The following APOBEC1 variants were observed in gnomAD, a reference collection of about 807,000 sequenced individuals.
The protein encoded by APOBEC1 is apolipoprotein B mRNA editing enzyme catalytic subunit 1, also known as C->U-editing enzyme APOBEC-1.
APOBEC1 carries 22 observed loss-of-function variants against 26.3 expected under a neutral mutation model. That is an observed-to-expected ratio of 0.84 (90% CI 0.60 to 1.19). APOBEC1 has a LOEUF of 1.19. Ranked by LOEUF, APOBEC1 falls within the 50% of genes most tolerant of loss-of-function variation. The pLI is 0.00. For missense variants in APOBEC1, 253 were observed against 289.0 expected, an observed-to-expected ratio of 0.88 and a Z score of 0.90; for synonymous variants, 77 against 95.3, an observed-to-expected ratio of 0.81 and a Z score of 1.12.
upstream of APOBEC1, among the ~76,000 whole-genome samples, chr12:7,667,650 C>T (rs947885472): frequency 2.0e-4 from 30 of 152,092 alleles, no homozygotes; most frequent in African/African-American, 6.8e-4. Context: ...CGCAGTGGCT[C>T]GCGCCTGTAA....
chr12:7,665,882 T>C lies in APOBEC1; in HGVS notation c.-10A>G. Reference sequence around the variant, plus strand: ...CTTTCTCAGAAGTCATGGTGCTCTGTCTCTGGACTTCCTCCTCTGGAGTCA... The same window carrying C: ...CTTTCTCAGAAGTCATGGTGCTCTGCCTCTGGACTTCCTCCTCTGGAGTCA... On this transcript the variant is annotated 5_prime_UTR_variant, in exon 1 of 5. Transcript: ENST00000229304. 6.2e-7 allele frequency: 1 copy of C among 1,613,856 alleles called. No homozygotes were observed. Among genetic ancestry groups the C allele is most frequent in the Non-Finnish European group, 8.5e-7 (1 of 1,179,950 alleles).
chr12:7,668,904 G>A (rs945655264), upstream of APOBEC1, among the ~76,000 whole-genome samples: 5 of 152,012 alleles, frequency 3.3e-5, no homozygotes, highest in African/African-American at 1.2e-4. Flanking sequence ...GCTAATTTTT[G>A]TACTTTTAGT....
At chr12:7,651,310 G>C (rs1863634658) in intron 3 of APOBEC1, among the ~76,000 whole-genome samples, 169 bp from the exon 4 acceptor site, 1 of 151,570 alleles carries the variant, frequency 6.6e-6, no homozygotes, top group African/African-American at 2.4e-5. Context: ...TGGCTGAGAG[G>C]CAAGACTAGA....
chr12:7,649,806 TC>T, intron 4 of APOBEC1, 110 bp from the exon 5 acceptor site: 1 of 944,810 alleles, frequency 1.1e-6, no homozygotes, highest in Non-Finnish European at 1.5e-6. Context: ...AACTATTTCT[TC>T]TTTTTTTTTT....
rs1863748815 is a variant in APOBEC1, at chr12:7,658,508, T to G, written c.17-3876A>C. Among the ~76,000 whole-genome samples, 3 of 152,260 alleles carry G rather than the reference T, an allele frequency of 2.0e-5. No homozygotes were observed. The South Asian group carries it at 6.2e-4, about 32-fold the overall frequency. ...AGACTAAAGATTTTGATTTATGGCT[T>G]GATTACCCAACAGAGGTGTCACAGT... On this transcript the variant is annotated intron_variant, in intron 1 of 4. Transcript: ENST00000229304.
upstream of APOBEC1, among the ~76,000 whole-genome samples, chr12:7,666,416 C>A (rs1306454858): frequency 6.6e-6 from 1 of 151,968 alleles, no homozygotes; most frequent in East Asian, 1.9e-4. Context: ...GCCTCAGCCT[C>A]CCGAGTAGCT....
At position 7,652,750 on chromosome 12, in the gene APOBEC1, A is replaced by C; in HGVS notation, c.130T>G (p.Trp44Gly). 1 of 1,613,952 alleles carries C rather than the reference A, an allele frequency of 6.2e-7. No individual in the cohort carries two copies. Among genetic ancestry groups the C allele is most frequent in the Non-Finnish European group, 8.5e-7 (1 of 1,179,984 alleles). The change falls in exon 3 of 5, where the codon TGG becomes GGG. Residue 44 changes from tryptophan (W) to glycine (G), a missense_variant. Trp to Gly is a radical substitution (Grantham distance 184). Coordinates refer to ENST00000229304, the MANE Select transcript of APOBEC1 (RefSeq NM_001644.5). ...KEACLLYEIK[W>G]GMSRKIWRSS... ...CGCCAGATCTTCCGGCTCATGCCCC[A>C]CTTGATTTCGTAGAGCAGACAGGCC...
At chr12:7,665,243 T>G (rs1863877266) in intron 1 of APOBEC1, among the ~76,000 whole-genome samples, 1 of 152,202 alleles carries the variant, frequency 6.6e-6, no homozygotes, top group Non-Finnish European at 1.5e-5. Flanking sequence ...GTTCTCATGC[T>G]ATCACGTCTG....
chr12:7,649,763 A>G (rs1168456597), intron 4 of APOBEC1, 67 bp from the exon 5 acceptor site: 1 of 1,161,752 alleles, frequency 8.6e-7, no homozygotes, highest in Non-Finnish European at 1.2e-6. Context: ...TTATCACCAC[A>G]AACATTTAAA....
chr12:7,663,855 G>T (rs925369220), intron 1 of APOBEC1, among the ~76,000 whole-genome samples: 1 of 147,488 alleles, frequency 6.8e-6, no homozygotes, highest in South Asian at 2.2e-4. Context: ...ACTTAAAAAA[G>T]AATTTTTTTT....
chr12:7,662,301 G>T (rs774649353), intron 1 of APOBEC1, among the ~76,000 whole-genome samples: 23 of 151,932 alleles, frequency 1.5e-4, no homozygotes, highest in Middle Eastern at 3.4e-3. Flanking sequence ...AAAAAAGACG[G>T]CCGGGTACGG....
At chr12:7,660,934 C>G (rs1426096291) in intron 1 of APOBEC1, among the ~76,000 whole-genome samples, 1 of 151,302 alleles carries the variant, frequency 6.6e-6, no homozygotes. Context: ...TGGCTCACAC[C>G]TCTAATCCCA....
chr12:7,650,896 G>C, intron 4 of APOBEC1, 127 bp downstream of exon 4: 1 of 718,968 alleles, frequency 1.4e-6, no homozygotes, highest in Admixed American at 2.2e-5. Flanking sequence ...AGAGGAGCTA[G>C]CTAGTTAAAT....
At chr12:7,650,780 T>C (rs778132462) in intron 4 of APOBEC1, among the ~76,000 whole-genome samples, 5 of 152,182 alleles carry the variant, frequency 3.3e-5, no homozygotes, top group Non-Finnish European at 7.3e-5. Flanking sequence ...CTGGAGCATA[T>C]TGGCGTGATC....
chr12:7,663,583 T>A (rs909422335), intron 1 of APOBEC1, among the ~76,000 whole-genome samples: 3 of 151,954 alleles, frequency 2.0e-5, no homozygotes, highest in Non-Finnish European at 4.4e-5. Flanking sequence ...AGAGGCCACA[T>A]CATAGGAAAA....
upstream of APOBEC1, among the ~76,000 whole-genome samples, chr12:7,666,584 C>G (rs952321834): frequency 6.6e-6 from 1 of 151,994 alleles, no homozygotes; most frequent in African/African-American, 2.4e-5. Flanking sequence ...CATGAGCCAC[C>G]GTGCCTAGCC....
intron 1 of APOBEC1, among the ~76,000 whole-genome samples, chr12:7,660,410 A>AAGAAAGAAAGAAAGAAAGAGAG (rs111744018): frequency 9.5e-5 from 8 of 84,236 alleles, no homozygotes; most frequent in African/African-American, 3.7e-4. Context: ...GAAAGAAAGA[A>AAGAAAGAAAGAAAGAAAGAGAG]AGAGAGGGTA....
chr12:7,652,312 T>A (rs1863654600), intron 3 of APOBEC1, 126 bp downstream of exon 3: 3 of 826,338 alleles, frequency 3.6e-6, no homozygotes, highest in Non-Finnish European at 5.4e-6. Context: ...TAGTCCTTTA[T>A]GACATTATTT....
rs377653439 is a variant in APOBEC1, at chr12:7,656,740, G to T, written c.17-2108C>A. Among the ~76,000 whole-genome samples the T allele has an allele frequency of 2.7e-4, 41 of 152,294 alleles. No homozygotes were observed. The South Asian group carries it at 8.3e-3, about 31-fold the overall frequency. ...TCCACAAGGTTGTCGGAAGACTCAC[G>T]TAACACAATGAATGGAAAACATTTG... On this transcript the variant is annotated intron_variant, in intron 1 of 4. Transcript: ENST00000229304.
Sources: allele counts gnomAD v4.1 joint callset (sites outside exome capture counted in the v4.1 genomes callset), GRCh38; gene constraint gnomAD v4.1.1; transcripts MANE v1.5; gene names NCBI Gene and HGNC (gene_info 2026-07-23, HGNC 2026-07-21).